Variants in RIPK4 observed in about 807,000 individuals in gnomAD.
The protein encoded by RIPK4 is receptor-interacting serine/threonine-protein kinase 4.
In RIPK4, 17 loss-of-function variants were observed where a neutral mutation model predicts 42.9. That is an observed-to-expected ratio of 0.40 (90% CI 0.27 to 0.59). The LOEUF is 0.59. Ranked by LOEUF, RIPK4 falls within the 20% of genes least tolerant of loss-of-function variation. RIPK4 has a pLI of 0.47. For synonymous variants in RIPK4, 498 were observed against 499.1 expected, an observed-to-expected ratio of 1.00 and a Z score of 0.03; for missense variants, 897 against 1,104.4, an observed-to-expected ratio of 0.81 and a Z score of 2.66.
intron 1 of RIPK4, among the ~76,000 whole-genome samples, chr21:41,759,847 G>C (rs1435980617): frequency 1.3e-5 from 2 of 152,238 alleles, no homozygotes; most frequent in African/African-American, 4.8e-5. Context: ...GGAACCCCTG[G>C]ATCCTACTGT....
At chr21:41,749,616 C>T (rs1347529940) in intron 3 of RIPK4, among the ~76,000 whole-genome samples, 1 of 152,142 alleles carries the variant, frequency 6.6e-6, no homozygotes, top group African/African-American at 2.4e-5. Context: ...CCATGCCCTC[C>T]CCCAACAATG....
Position 41,746,613 on chromosome 21 carries a change from C to T in RIPK4, c.832G>A (p.Glu278Lys). 6.2e-7 allele frequency: 1 copy of T among 1,609,206 alleles called. No individual in the cohort carries two copies. The highest frequency in any genetic ancestry group is 1.3e-5 in the African/African-American group (1 of 75,058). The change falls in exon 5 of 8, where the codon GAA becomes AAA. Residue 278 changes from glutamate to lysine, a missense_variant and splice_region_variant. Transcript: ENST00000332512. ...GDPRVRPTFQ[E>K]ITSETEDLCE... ...GGCGGGGAGACCCCGGGGTGCTCAC[C>T]TTGGAAGGTGGGCCTAACTCGCGGA... is the stretch of plus-strand genomic sequence containing the variant.
At chr21:41,744,757 C>T (rs914269708) in intron 6 of RIPK4, among the ~76,000 whole-genome samples, 48 of 152,152 alleles carry the variant, frequency 3.2e-4, no homozygotes, top group African/African-American at 1.1e-3. Flanking sequence ...GCGACCTCCC[C>T]GCGGAGCCAC....
chr21:41,744,379 C>T (rs369529960), intron 6 of RIPK4, among the ~76,000 whole-genome samples: 8 of 151,096 alleles, frequency 5.3e-5, no homozygotes, highest in South Asian at 4.3e-4. Flanking sequence ...ACCCCGCGCC[C>T]GCACAGTGCC....
intron 5 of RIPK4, among the ~76,000 whole-genome samples, 180 bp downstream of exon 5, chr21:41,746,433 C>T (rs944468161): frequency 9.9e-5 from 15 of 152,120 alleles, no homozygotes; most frequent in Admixed American, 6.5e-4. Flanking sequence ...GTGGCCGAGC[C>T]GTGAGTACCA....
At chr21:41,764,438 T>C (rs903449358) in intron 1 of RIPK4, among the ~76,000 whole-genome samples, 5 of 151,220 alleles carry the variant, frequency 3.3e-5, no homozygotes, top group Admixed American at 1.3e-4. Flanking sequence ...CCCAGACCCG[T>C]GTGTCAGGGG....
intron 3 of RIPK4, 66 bp from the exon 4 acceptor site, chr21:41,749,269 A>T: frequency 6.6e-7 from 1 of 1,523,596 alleles, no homozygotes; most frequent in Non-Finnish European, 9.1e-7. Flanking sequence ...GCACTCATGC[A>T]CAGCAACAGG....
In RIPK4 at chr21:41,751,965, A is replaced by G. The variant is rs762509947; in HGVS notation, c.475-720T>C. Among the ~76,000 whole-genome samples the G allele has an allele frequency of 5.9e-5, 9 of 152,052 alleles. No homozygotes were observed. Among genetic ancestry groups the G allele is most frequent in the Non-Finnish European group, 8.8e-5 (6 of 68,000 alleles). ...CTCCAGGAATGCCCTCAACGTCCGC[A>G]TTCAGGGGAGGCAGGTCTCAGGTCT... On this transcript the variant is annotated intron_variant, in intron 2 of 7. Coordinates refer to ENST00000332512, the MANE Select transcript of RIPK4 (RefSeq NM_020639.3). The surrounding 1 kb of genome is among the most constrained non-coding windows in gnomAD (Gnocchi z 4.5).
At position 41,740,965 on chromosome 21, in the gene RIPK4, G is replaced by A. The variant is rs1255653052; in HGVS notation, c.2228C>T (p.Ala743Val). 5 of 1,612,118 alleles carry A rather than the reference G, an allele frequency of 3.1e-6. No homozygotes were observed. The highest frequency in any genetic ancestry group is 4.2e-6 in the Non-Finnish European group (5 of 1,179,848). ...CACCGTCTGTGCGTGCCGGCCCTGG[G>A]CGGCCAGGTGCAGCGCGCTGAGCCC... ...EQGLSALHLA[A>V]QGRHAQTVET... The change falls in exon 8 of 8, where the codon GCC becomes GTC. Residue 743 changes from alanine to valine, a missense_variant. Ala to Val is a moderately conservative substitution (Grantham distance 64). Transcript: ENST00000332512.
At chr21:41,752,521 T>C (rs13047210) in intron 2 of RIPK4, among the ~76,000 whole-genome samples, 22,101 of 152,160 alleles carry the variant, frequency 0.15, 1,755 homozygotes, top group South Asian at 0.21. Context: ...GCGGCTCTCA[T>C]GTCCTCCCAC....
chr21:41,741,357 T>C lies in RIPK4; in HGVS notation c.1836A>G (p.Ala612=), dbSNP rs886200388. The C allele has an allele frequency of 1.7e-5, 28 of 1,611,126 alleles. No individual in the cohort carries two copies. The highest frequency in any genetic ancestry group is 2.2e-5 in the Non-Finnish European group (26 of 1,179,692). ...GGGCCACGCGGTAGTGCCCGCGCTGTGCGGCCAGGTGCAATGGCGTCCTCC... is the reference window on the plus strand; with the variant it reads ...GGGCCACGCGGTAGTGCCCGCGCTGCGCGGCCAGGTGCAATGGCGTCCTCC... ...LDGRTPLHLA[A]QRGHYRVARI... is the part of the protein sequence containing the mutation. Residue 612 remains alanine, a synonymous_variant, in exon 8 of 8, where the codon GCA becomes GCG. Transcript: ENST00000332512.
At position 41,740,710 on chromosome 21, in the gene RIPK4, G is replaced by A; in HGVS notation, c.*128C>T. On this transcript the variant is annotated 3_prime_UTR_variant, in exon 8 of 8. Coordinates refer to ENST00000332512, the MANE Select transcript of RIPK4 (RefSeq NM_020639.3). ...AGCAGCCGCCTCCTGATGGCACCAT[G>A]TCACCTCTGCTTGGTTAACATTTAG... 1 of 947,780 alleles carries A rather than the reference G, an allele frequency of 1.1e-6. No homozygotes were observed. Among genetic ancestry groups the A allele is most frequent in the South Asian group, 1.7e-5 (1 of 57,480 alleles). The allele number at this position is 947,780 out of a possible 1,614,324, so 58.7% of individuals were successfully genotyped here.
In RIPK4 at chr21:41,741,485, C is replaced by A. The variant is rs2061153695; in HGVS notation, c.1708G>T (p.Ala570Ser). ...GVDVSLQGKD[A>S]WLPLHYAAWQ... The stretch of plus-strand genomic sequence containing the variant: ...GCAGCGTAGTGCAGTGGCAGCCAGG[C>A]ATCCTTGCCCTGCAGGCTCACGTCC... Residue 570 changes from alanine (A) to serine (S), a missense_variant, in exon 8 of 8, where the codon GCC becomes TCC. Coordinates refer to ENST00000332512, the MANE Select transcript of RIPK4 (RefSeq NM_020639.3). 6.2e-7 allele frequency: 1 copy of A among 1,612,502 alleles called. No homozygotes were observed. The highest frequency in any genetic ancestry group is 2.2e-5 in the East Asian group (1 of 44,876).
intron 5 of RIPK4, 109 bp from the exon 6 acceptor site, chr21:41,745,971 G>A (rs936161424): frequency 2.3e-5 from 22 of 945,778 alleles, no homozygotes; most frequent in East Asian, 1.9e-4. Context: ...CACACGCCTC[G>A]GCCCAGCCTG....
At chr21:41,762,458 C>T (rs960102912) in intron 1 of RIPK4, among the ~76,000 whole-genome samples, 2 of 152,208 alleles carry the variant, frequency 1.3e-5, no homozygotes, top group African/African-American at 2.4e-5. Context: ...AGCCCCTCTC[C>T]AGGTGCTCCC....
chr21:41,743,960 C>T lies in RIPK4; in HGVS notation c.1117G>A (p.Gly373Arg). ...PSSGSGKRLS[G>R]VSSVDSAFSS... ...AAGGCGGAGTCCACCGAGGACACCC[C>T]CGAGAGCCTCTTCCCACTGCCGGAC... The change falls in exon 7 of 8, where the codon GGG (glycine) becomes AGG (arginine). Residue 373 changes from glycine (G) to arginine (R), a missense_variant. Gly to Arg is a moderately radical substitution (Grantham distance 125, BLOSUM62 -2). Coordinates refer to ENST00000332512, the MANE Select transcript of RIPK4 (RefSeq NM_020639.3). 3 of 1,613,470 alleles carry T rather than the reference C, an allele frequency of 1.9e-6. No homozygotes were observed. Among genetic ancestry groups the T allele is most frequent in the East Asian group, 4.5e-5 (2 of 44,868 alleles).
intron 1 of RIPK4, among the ~76,000 whole-genome samples, chr21:41,763,319 C>G (rs2061226512): frequency 6.6e-6 from 1 of 152,118 alleles, no homozygotes; most frequent in Non-Finnish European, 1.5e-5. Flanking sequence ...GAAATATCAT[C>G]ACACCAATCA....
Position 41,741,728 on chromosome 21 carries a change from G to A in RIPK4, c.1465C>T (p.Leu489Phe), listed in dbSNP as rs1272323083. Residue 489 changes from leucine (L) to phenylalanine (F), a missense_variant, in exon 8 of 8, where the codon CTC becomes TTC. Coordinates refer to ENST00000332512, the MANE Select transcript of RIPK4 (RefSeq NM_020639.3). ...ACACTGATCTTCCGCGCCAGCAGGA[G>A]CTCCACGACACCCCGCACCCTCCTC... is the stretch of plus-strand genomic sequence containing the variant. Reference protein sequence around the residue: ...VERRVRGVVELLLARKISVNA... With the variant: ...VERRVRGVVEFLLARKISVNA... 5 of 1,612,876 alleles carry A rather than the reference G, an allele frequency of 3.1e-6. No individual in the cohort carries two copies. The highest frequency in any genetic ancestry group is 4.2e-6 in the Non-Finnish European group (5 of 1,180,042).
intron 5 of RIPK4, 54 bp downstream of exon 5, chr21:41,746,559 C>T: frequency 6.3e-7 from 1 of 1,594,216 alleles, no homozygotes; most frequent in Non-Finnish European, 8.5e-7. Context: ...TGTCTGTCAC[C>T]TCTGTCTCCT....
Sources: gnomAD v4.1 joint callset for allele counts (sites outside exome capture counted in the v4.1 genomes callset) on GRCh38, gnomAD v4.1.1 for gene constraint, Gnocchi (gnomAD v3.1) non-coding constraint, MANE v1.5 for transcripts, NCBI Gene and HGNC (gene_info 2026-07-23, HGNC 2026-07-21) for gene names.